Variants in RNF220 observed in about 807,000 individuals in gnomAD.
The protein encoded by RNF220 is ring finger protein 220.
Under a neutral mutation model 67.1 loss-of-function variants are expected in RNF220, and 7 were observed. That is an observed-to-expected ratio of 0.10 (90% CI 0.06 to 0.20). The LOEUF is 0.20. RNF220 is among the 10% of genes least tolerant of loss of function. RNF220 has a pLI of 1.00. For missense variants in RNF220, 565 were observed against 740.3 expected (o/e 0.76, Z 2.75); for synonymous variants, 270 against 283.2 (o/e 0.95, Z 0.47).
At chr1:44,420,528 TA>T (rs1225763521) in intron 2 of RNF220, among the ~76,000 whole-genome samples, 2 of 152,196 alleles carry the variant, frequency 1.3e-5, no homozygotes, top group Non-Finnish European at 2.9e-5. Context: ...GGGTTTGATT[TA>T]AAGGAAGTCA....
At chr1:44,584,688 T>TTTTG (rs1017258501) in intron 2 of RNF220, among the ~76,000 whole-genome samples, 1 of 152,224 alleles carries the variant, frequency 6.6e-6, no homozygotes, top group African/African-American at 2.4e-5. Context: ...TCTTTTTGTT[T>TTTTG]TTTGTTTGTT....
At chr1:44,415,162 C>T (rs558031806) in intron 2 of RNF220, among the ~76,000 whole-genome samples, 1 of 151,422 alleles carries the variant, frequency 6.6e-6, no homozygotes, top group African/African-American at 2.4e-5. Context: ...AAGTCTGCAG[C>T]AGCTTTCTTG....
intron 2 of RNF220, among the ~76,000 whole-genome samples, chr1:44,433,911 G>A (rs1006543310): frequency 6.6e-6 from 1 of 152,138 alleles, no homozygotes; most frequent in East Asian, 1.9e-4. Context: ...GCAGTGAGCC[G>A]AGGTTGTGCC....
intron 6 of RNF220, 194 bp downstream of exon 6, chr1:44,632,579 C>G (rs888408648): frequency 1.6e-6 from 1 of 630,286 alleles, no homozygotes; most frequent in Non-Finnish European, 2.8e-6. Context: ...GGAGGTATGG[C>G]GCCCAGCTCT....
intron 2 of RNF220, among the ~76,000 whole-genome samples, chr1:44,424,715 G>A (rs1387222673): frequency 1.3e-5 from 2 of 152,152 alleles, no homozygotes; most frequent in Admixed American, 6.5e-5. Flanking sequence ...GCTCCTCCTC[G>A]GATTGCCTCC....
intron 2 of RNF220, among the ~76,000 whole-genome samples, chr1:44,583,067 G>A (rs778997136): frequency 2.0e-5 from 3 of 152,060 alleles, no homozygotes; most frequent in Non-Finnish European, 4.4e-5. Context: ...CGTGGAGTCC[G>A]GTGAGGATTA....
At chr1:44,523,294 G>A (rs1293752338) in intron 2 of RNF220, among the ~76,000 whole-genome samples, 2 of 152,142 alleles carry the variant, frequency 1.3e-5, no homozygotes, top group Non-Finnish European at 2.9e-5. Context: ...GCCATTCCAG[G>A]CTGCCCCGGG....
At chr1:44,406,241 G>T (rs1647317477) in intron 1 of RNF220, among the ~76,000 whole-genome samples, 1 of 152,198 alleles carries the variant, frequency 6.6e-6, no homozygotes, top group Admixed American at 6.5e-5. Flanking sequence ...AGGGAGGGAG[G>T]TGGGGTAGGA....
At position 44,455,389 on chromosome 1, in the gene RNF220, T is replaced by C. The variant is rs535765615; in HGVS notation, c.625+42667T>C. On this transcript the variant is annotated intron_variant, in intron 2 of 14. Transcript: ENST00000361799. The stretch of plus-strand genomic sequence containing the variant: ...AGCAAAAGAAGGGGAAGAAAAGAAA[T>C]GAAAATAAAATGATGCATAGGAAGG... Among the ~76,000 whole-genome samples, 4 of 151,936 alleles carry C rather than the reference T, an allele frequency of 2.6e-5. No homozygotes were observed. The South Asian group carries it at 8.3e-4, about 32-fold the overall frequency.
At chr1:44,620,282 A>G (rs1158469012) in intron 3 of RNF220, among the ~76,000 whole-genome samples, 1 of 152,236 alleles carries the variant, frequency 6.6e-6, no homozygotes, top group Non-Finnish European at 1.5e-5. Flanking sequence ...TGAAGTTTCA[A>G]TGAGATAACA....
chr1:44,455,376 G>A (rs1653073583), intron 2 of RNF220, among the ~76,000 whole-genome samples: 1 of 152,110 alleles, frequency 6.6e-6, no homozygotes, highest in Admixed American at 6.6e-5. Context: ...CAAAAGAAGG[G>A]GAAGAAAAGA....
Position 44,631,842 on chromosome 1 carries a change from A to G in RNF220, c.907-501A>G, listed in dbSNP as rs1234411436. The G allele has an allele frequency of 3.5e-6, 3 of 869,364 alleles. No individual in the cohort carries two copies. In the African/African-American group the frequency reaches 5.5e-5, roughly 16 times the overall value. The allele number at this position is 869,364 out of a possible 1,614,324, so 53.9% of individuals were successfully genotyped here. On this transcript the variant is annotated intron_variant, in intron 5 of 14. Coordinates refer to ENST00000361799, the MANE Select transcript of RNF220 (RefSeq NM_018150.4). ...GTAGGCTTCACGGGCGGTGGGAGGG[A>G]CCCCGGGGAGGCTTCTGCCGGTTGC... is the stretch of plus-strand genomic sequence containing the variant.
Position 44,635,981 on chromosome 1 carries a change from C to A in RNF220, c.994-49C>A. On this transcript the variant is annotated intron_variant, in intron 7 of 14. Transcript: ENST00000361799. The stretch of plus-strand genomic sequence containing the variant: ...TGCCTTCGTTGCAGACTGTGGGGAG[C>A]AGGTGGGGATGGCCTGGGCCCAGCA... The A allele has an allele frequency of 1.9e-6, 3 of 1,612,984 alleles. No individual in the cohort carries two copies. The South Asian group carries it at 3.3e-5, about 18-fold the overall frequency.
At chr1:44,432,839 G>GA (rs999906262) in intron 2 of RNF220, among the ~76,000 whole-genome samples, 5 of 149,362 alleles carry the variant, frequency 3.3e-5, no homozygotes, top group African/African-American at 9.9e-5. Flanking sequence ...GTATAAGTTT[G>GA]AAAAAAATGC....
rs147208456 is a variant in RNF220, at chr1:44,434,369, A to G, written c.625+21647A>G. On this transcript the variant is annotated intron_variant, in intron 2 of 14. Coordinates refer to ENST00000361799, the MANE Select transcript of RNF220 (RefSeq NM_018150.4). Reference sequence around the variant, plus strand: ...TATTTTGGGTTCATCAGGAAGCCACAGAGTGTTTTAAACATAAATCACCAT... The same window carrying G: ...TATTTTGGGTTCATCAGGAAGCCACGGAGTGTTTTAAACATAAATCACCAT... Among the ~76,000 whole-genome samples the G allele has an allele frequency of 2.0e-3, 311 of 152,308 alleles. 1 individual carries two copies. Among genetic ancestry groups the G allele is most frequent in the African/African-American group, 7.1e-3 (294 of 41,566 alleles).
chr1:44,470,385 C>T (rs1654696934), intron 2 of RNF220, among the ~76,000 whole-genome samples: 1 of 152,188 alleles, frequency 6.6e-6, no homozygotes, highest in Admixed American at 6.5e-5. Context: ...GAGTACACAT[C>T]AGTCAGTTGG....
intron 2 of RNF220, among the ~76,000 whole-genome samples, chr1:44,611,198 G>T (rs530235451): frequency 5.9e-5 from 9 of 152,230 alleles, no homozygotes; most frequent in Non-Finnish European, 1.3e-4. Flanking sequence ...GGCAGAGGCT[G>T]CAGAGTCCCT....
chr1:44,525,708 A>G (rs1385940316), intron 2 of RNF220, among the ~76,000 whole-genome samples: 3 of 151,976 alleles, frequency 2.0e-5, no homozygotes, highest in African/African-American at 4.8e-5. Flanking sequence ...GCTCACCCCT[A>G]TTCTGCGTTC....
At chr1:44,442,410 T>TAA (rs1271990025) in intron 2 of RNF220, among the ~76,000 whole-genome samples, 1 of 152,026 alleles carries the variant, frequency 6.6e-6, no homozygotes, top group Non-Finnish European at 1.5e-5. Flanking sequence ...CCTAAAGTGT[T>TAA]AAGATTACAG....
Sources: gnomAD v4.1 joint callset for allele counts (sites outside exome capture counted in the v4.1 genomes callset) on GRCh38, gnomAD v4.1.1 for gene constraint, MANE v1.5 for transcripts, NCBI Gene and HGNC (gene_info 2026-07-23, HGNC 2026-07-21) for gene names.